The following EIF4ENIF1 variants were observed in gnomAD, a reference collection of about 807,000 sequenced individuals.
EIF4ENIF1 encodes the protein eukaryotic translation initiation factor 4E transporter.
EIF4ENIF1 carries 23 observed loss-of-function variants against 110.5 expected under a neutral mutation model. The observed-to-expected ratio is 0.21, with a 90% confidence interval of 0.15 to 0.29. The LOEUF (loss-of-function observed/expected upper bound fraction) is 0.29. EIF4ENIF1 is among the 10% of genes least tolerant of loss of function. The pLI, the probability that EIF4ENIF1 is intolerant of heterozygous loss-of-function variation, is 1.00. For missense variants in EIF4ENIF1, 1,031 were observed against 1,221.1 expected, an observed-to-expected ratio of 0.84 and a Z score of 2.32; for synonymous variants, 440 against 437.0, an observed-to-expected ratio of 1.01 and a Z score of -0.09.
intron 2 of EIF4ENIF1, among the ~76,000 whole-genome samples, chr22:31,482,402 C>A (rs1056054807): frequency 6.6e-6 from 1 of 152,148 alleles, no homozygotes; most frequent in Non-Finnish European, 1.5e-5. Flanking sequence ...GTCTATTTGG[C>A]CGGGTGCGGT....
At chr22:31,479,228 G>C (rs936720133) in intron 2 of EIF4ENIF1, among the ~76,000 whole-genome samples, 7 of 151,836 alleles carry the variant, frequency 4.6e-5, no homozygotes, top group African/African-American at 1.7e-4. Flanking sequence ...CGCCATGCCC[G>C]GCTAATGTTT....
intron 7 of EIF4ENIF1, among the ~76,000 whole-genome samples, chr22:31,456,311 C>T (rs1353875702): frequency 2.6e-5 from 4 of 151,456 alleles, no homozygotes; most frequent in South Asian, 2.1e-4. Flanking sequence ...GCAAGCTCCG[C>T]CTCCCGGGTT....
At chr22:31,485,801 T>C (rs2051995279) in intron 2 of EIF4ENIF1, among the ~76,000 whole-genome samples, 1 of 150,572 alleles carries the variant, frequency 6.6e-6, no homozygotes, top group Non-Finnish European at 1.5e-5. Flanking sequence ...TGAAACTCCA[T>C]CTCAAAAAAA....
chr22:31,449,469 C>T lies in EIF4ENIF1; in HGVS notation c.1647G>A (p.Gly549=). 6.2e-7 allele frequency: 1 copy of T among 1,614,094 alleles called. No individual in the cohort carries two copies. Among genetic ancestry groups the T allele is most frequent in the Non-Finnish European group, 8.5e-7 (1 of 1,180,002 alleles). The part of the protein sequence containing the change: ...ASSNLLSGLM[G]SLEPTTSLLG... The stretch of plus-strand genomic sequence containing the variant: ...GTAAAGATGTTGTAGGCTCCAAGCT[C>T]CCCATAAGGCCACTCAGAAGATTGG... Residue 549 remains glycine (G), a synonymous_variant, in exon 12 of 19, where the codon GGG becomes GGA. Transcript: ENST00000330125.
intron 2 of EIF4ENIF1, among the ~76,000 whole-genome samples, chr22:31,477,086 G>A (rs529037227): frequency 6.6e-5 from 10 of 150,650 alleles, no homozygotes; most frequent in African/African-American, 2.2e-4. Context: ...TTGTACCACC[G>A]CGCTCTAGCC....
chr22:31,483,500 G>T (rs2051905721), intron 2 of EIF4ENIF1, among the ~76,000 whole-genome samples: 1 of 151,996 alleles, frequency 6.6e-6, no homozygotes, highest in Non-Finnish European at 1.5e-5. Flanking sequence ...ACCACACCCA[G>T]CGAGCAGGTG....
chr22:31,438,433 A>ATTCT (rs1049502205), downstream of EIF4ENIF1, among the ~76,000 whole-genome samples: 4 of 152,146 alleles, frequency 2.6e-5, no homozygotes, highest in African/African-American at 9.7e-5. Flanking sequence ...CTTAAGGGAA[A>ATTCT]TTCTTAGACT....
chr22:31,482,410 G>A (rs1043697168), intron 2 of EIF4ENIF1, among the ~76,000 whole-genome samples: 5 of 151,974 alleles, frequency 3.3e-5, no homozygotes, highest in Admixed American at 6.6e-5. Context: ...GGCCGGGTGC[G>A]GTAGCTCACG....
chr22:31,463,286 G>A (rs920365846), intron 5 of EIF4ENIF1, among the ~76,000 whole-genome samples, 153 bp from the exon 6 acceptor site: 6 of 152,044 alleles, frequency 3.9e-5, no homozygotes, highest in Non-Finnish European at 8.8e-5. Flanking sequence ...TCCCTGACTG[G>A]TTTAAGAGCA....
chr22:31,460,743 G>A (rs1217397466), intron 6 of EIF4ENIF1, among the ~76,000 whole-genome samples: 1 of 151,870 alleles, frequency 6.6e-6, no homozygotes, highest in South Asian at 2.1e-4. Flanking sequence ...TCAGGAGATC[G>A]AGACCATCCT....
chr22:31,491,268 G>A (rs561183878), upstream of EIF4ENIF1, among the ~76,000 whole-genome samples: 14 of 152,278 alleles, frequency 9.2e-5, no homozygotes, highest in African/African-American at 3.1e-4. Context: ...ACAGAGACAC[G>A]TTGCAGGTGA....
At position 31,449,505 on chromosome 22, in the gene EIF4ENIF1, T is replaced by G; in HGVS notation, c.1611A>C (p.Arg537Ser). 1 of 1,613,488 alleles carries G rather than the reference T, an allele frequency of 6.2e-7. No individual in the cohort carries two copies. Among genetic ancestry groups the G allele is most frequent in the South Asian group, 1.1e-5 (1 of 90,958 alleles). The part of the protein sequence containing the change: ...LQELLGQPVQ[R>S]PASSNLLSGL... ...CACTCAGAAGATTGGAAGAAGCAGG[T>G]CTCTGAACTGGTTGACCCAGAAGTT... Residue 537 changes from arginine to serine, a missense_variant, in exon 12 of 19, where the codon AGA becomes AGC. By Grantham distance (110) the Arg-to-Ser change is moderately radical (BLOSUM62 -1). Coordinates refer to ENST00000330125, the MANE Select transcript of EIF4ENIF1 (RefSeq NM_019843.4).
chr22:31,453,533 C>T (rs1004186193), intron 10 of EIF4ENIF1: 8 of 203,664 alleles, frequency 3.9e-5, no homozygotes, highest in African/African-American at 1.9e-4. Flanking sequence ...TGCCCCCACG[C>T]CTGGCTAATT....
intron 7 of EIF4ENIF1, among the ~76,000 whole-genome samples, chr22:31,456,317 G>A (rs1484205166): frequency 4.0e-5 from 6 of 148,294 alleles, no homozygotes; most frequent in East Asian, 4.0e-4. Flanking sequence ...TCCGCCTCCC[G>A]GGTTCACACC....
At chr22:31,451,484 C>T (rs2050673339) in intron 10 of EIF4ENIF1, among the ~76,000 whole-genome samples, 2 of 151,654 alleles carry the variant, frequency 1.3e-5, no homozygotes, top group Admixed American at 1.3e-4. Flanking sequence ...CCATGTTGGC[C>T]AGGATGGTCT....
chr22:31,440,664 A>G (rs772277979), intron 18 of EIF4ENIF1, 40 bp downstream of exon 18: 1 of 1,596,894 alleles, frequency 6.3e-7, no homozygotes, highest in Non-Finnish European at 8.5e-7. Context: ...AAGACTCCCT[A>G]AGTCCGTCCC....
intron 4 of EIF4ENIF1, 135 bp from the exon 5 acceptor site, chr22:31,464,102 C>T: frequency 8.9e-7 from 1 of 1,117,508 alleles, no homozygotes; most frequent in African/African-American, 1.6e-5. Flanking sequence ...GGCTTATCAG[C>T]AGATTCAGGG....
intron 2 of EIF4ENIF1, among the ~76,000 whole-genome samples, chr22:31,487,571 C>A (rs949242317): frequency 2.0e-5 from 3 of 152,062 alleles, no homozygotes; most frequent in Non-Finnish European, 4.4e-5. Context: ...CCAAGGTGGG[C>A]GGATTGCTTA....
Position 31,443,051 on chromosome 22 carries a change from T to A in EIF4ENIF1, c.2117A>T (p.Tyr706Phe). 6.2e-7 allele frequency: 1 copy of A among 1,614,178 alleles called. No homozygotes were observed. Among genetic ancestry groups the A allele is most frequent in the East Asian group, 2.2e-5 (1 of 44,890 alleles). The stretch of plus-strand genomic sequence containing the variant: ...CTCCTTGCTTTTCTCTTTGCTCTCG[T>A]ACATCTTACGAATCACTGAGGTAGG... ...FTPTSVIRKM[Y>F]ESKEKSKEEP... The change falls in exon 16 of 19, where the codon TAC (tyrosine) becomes TTC (phenylalanine). Residue 706 changes from tyrosine to phenylalanine, a missense_variant. By Grantham distance (22) the Tyr-to-Phe change is conservative. Transcript: ENST00000330125.
Sources: allele counts gnomAD v4.1 joint callset (sites outside exome capture counted in the v4.1 genomes callset), GRCh38; gene constraint gnomAD v4.1.1; transcripts MANE v1.5; gene names NCBI Gene and HGNC (gene_info 2026-07-23, HGNC 2026-07-21).